The following BTBD7 variants were observed in gnomAD, a reference collection of about 807,000 sequenced individuals.
The protein encoded by BTBD7 is BTB domain containing 7.
A neutral mutation model predicts 99.9 loss-of-function variants in BTBD7; 38 were observed. The ratio of observed to expected loss-of-function variants is 0.38; its 90% CI spans 0.29 to 0.50. The LOEUF (loss-of-function observed/expected upper bound fraction) is 0.50. Ranked by LOEUF, BTBD7 falls within the 20% of genes least tolerant of loss-of-function variation. The pLI is 0.93. For missense variants in BTBD7, 1,170 were observed against 1,394.6 expected (o/e 0.84, Z 2.57); for synonymous variants, 520 against 511.4 (o/e 1.02, Z -0.23).
At chr14:93,266,906 T>C (rs1192506339) in intron 3 of BTBD7, among the ~76,000 whole-genome samples, 1 of 152,142 alleles carries the variant, frequency 6.6e-6, no homozygotes, top group East Asian at 1.9e-4. Context: ...GTGGGAAATA[T>C]GGGAAAGTTT....
At position 93,332,823 on chromosome 14, in the gene BTBD7, G is replaced by T; in HGVS notation, c.-110C>A. The T allele has an allele frequency of 1.4e-6, 2 of 1,476,736 alleles. No individual in the cohort carries two copies. Among genetic ancestry groups the T allele is most frequent in the East Asian group, 3.0e-5 (1 of 33,450 alleles). 91.5% of individuals were successfully genotyped at this position (1,476,736 alleles called of 1,614,324 possible). On this transcript the variant is annotated 5_prime_UTR_variant, in exon 1 of 11. Coordinates refer to ENST00000334746, the MANE Select transcript of BTBD7 (RefSeq NM_001002860.4). ...AGAGACACCAAGGGACACTCACCCC[G>T]GAGGCTCCTCCCGCCGCTGCTGCTG...
chr14:93,251,380 A>G, intron 8 of BTBD7, 83 bp downstream of exon 8: 4 of 1,402,592 alleles, frequency 2.9e-6, no homozygotes, highest in Non-Finnish European at 3.9e-6. Context: ...GAATTAGCAT[A>G]TACAGAGAGG....
At chr14:93,290,836 A>G (rs1402355363) in intron 3 of BTBD7, among the ~76,000 whole-genome samples, 1 of 151,882 alleles carries the variant, frequency 6.6e-6, no homozygotes. Context: ...AGCGTGTACC[A>G]TGATGCCTGG....
intron 1 of BTBD7, among the ~76,000 whole-genome samples, chr14:93,300,702 ATTTGTGTGTGTGTGTGTG>A (rs1168945967): frequency 1.2e-4 from 13 of 107,506 alleles, no homozygotes; most frequent in East Asian, 3.3e-4. Flanking sequence ...TGCCCAGCTA[ATTTGTGTGTGTGTGTGTG>A]TGTGTGTGTG....
chr14:93,306,327 G>A (rs2053069367), intron 1 of BTBD7, among the ~76,000 whole-genome samples: 1 of 151,808 alleles, frequency 6.6e-6, no homozygotes, highest in African/African-American at 2.4e-5. Flanking sequence ...TATTAAAGAG[G>A]CCAGGCACGG....
At position 93,257,311 on chromosome 14, in the gene BTBD7, C is replaced by T; in HGVS notation, c.1492G>A (p.Gly498Ser). 1 of 1,613,990 alleles carries T rather than the reference C, an allele frequency of 6.2e-7. No homozygotes were observed. The highest frequency in any genetic ancestry group is 8.5e-7 in the Non-Finnish European group (1 of 1,179,970). ...SGTAHSVNKRGVKRRDLDMEE... is the reference protein window; with the variant it reads ...SGTAHSVNKRSVKRRDLDMEE... The stretch of plus-strand genomic sequence containing the variant: ...ATGTCCAGGTCCCGTCTTTTTACAC[C>T]TCTTTTGTTCACACTATGGGCAGTG... The change falls in exon 6 of 11, where the codon GGT (glycine) becomes AGT (serine). Residue 498 changes from glycine to serine, a missense_variant. Around this residue, in one of 4 missense-constraint regions of BTBD7, gnomAD observed 309 missense variants for 342.0 expected, o/e 0.90. Transcript: ENST00000334746.
At chr14:93,275,877 C>T (rs999916755) in intron 3 of BTBD7, among the ~76,000 whole-genome samples, 1 of 152,134 alleles carries the variant, frequency 6.6e-6, no homozygotes, top group Non-Finnish European at 1.5e-5. Context: ...TGGTACATGA[C>T]CATTTATCCA....
chr14:93,295,322 C>G (rs191894917), intron 2 of BTBD7, among the ~76,000 whole-genome samples: 1 of 152,036 alleles, frequency 6.6e-6, no homozygotes, highest in Non-Finnish European at 1.5e-5. Flanking sequence ...TAGGGTCTCA[C>G]TAATGTTGCT....
chr14:93,247,511 G>A (rs563302885), intron 9 of BTBD7, among the ~76,000 whole-genome samples: 1 of 152,134 alleles, frequency 6.6e-6, no homozygotes, highest in Non-Finnish European at 1.5e-5. Context: ...ACACCTGGCT[G>A]ATGTTTGCAT....
chr14:93,279,628 A>T (rs904749627), intron 3 of BTBD7, among the ~76,000 whole-genome samples: 1 of 151,942 alleles, frequency 6.6e-6, no homozygotes, highest in Non-Finnish European at 1.5e-5. Flanking sequence ...GCTCACTGCA[A>T]CCTCCGACTC....
Position 93,294,384 on chromosome 14 carries a change from T to G in BTBD7, c.636A>C (p.Ser212=). Residue 212 remains serine (S), a synonymous_variant, in exon 3 of 11, where the codon TCA becomes TCC. Coordinates refer to ENST00000334746, the MANE Select transcript of BTBD7 (RefSeq NM_001002860.4). ...LYTGEFGMED[S]RFQNVDILVQ... is the part of the protein sequence containing the mutation. Reference sequence around the variant, plus strand: ...CAAGGATATCGACATTTTGAAACCTTGAGTCCTCCATTCCAAACTCTCCTG... The same window carrying G: ...CAAGGATATCGACATTTTGAAACCTGGAGTCCTCCATTCCAAACTCTCCTG... 2.5e-6 allele frequency: 4 copies of G among 1,614,204 alleles called. No individual in the cohort carries two copies. The highest frequency in any genetic ancestry group is 1.1e-5 in the South Asian group (1 of 91,084).
At chr14:93,316,184 C>T (rs559039679) in intron 1 of BTBD7, among the ~76,000 whole-genome samples, 1 of 151,516 alleles carries the variant, frequency 6.6e-6, no homozygotes, top group South Asian at 2.1e-4. Flanking sequence ...GAACTCATGA[C>T]TTCAGGTGAT....
chr14:93,267,119 G>A (rs1456562359), intron 3 of BTBD7, among the ~76,000 whole-genome samples: 1 of 152,160 alleles, frequency 6.6e-6, no homozygotes, highest in African/African-American at 2.4e-5. Flanking sequence ...GGAAATGAGA[G>A]AAAAGCTGGT....
chr14:93,247,721 T>C (rs1179898169), intron 9 of BTBD7, among the ~76,000 whole-genome samples: 1 of 152,234 alleles, frequency 6.6e-6, no homozygotes. Flanking sequence ...CCTAACCAGA[T>C]GAAATTAAAT....
At chr14:93,295,841 A>G (rs964922595) in intron 2 of BTBD7, 129 bp downstream of exon 2, 2 of 841,192 alleles carry the variant, frequency 2.4e-6, no homozygotes, top group Non-Finnish European at 3.6e-6. Context: ...TGTTGGGGGA[A>G]AAAACCTAGA....
At chr14:93,248,332 T>C in intron 9 of BTBD7, 144 bp downstream of exon 9, 3 of 793,516 alleles carry the variant, frequency 3.8e-6, no homozygotes, top group East Asian at 2.8e-5. Context: ...AGGAGGGACT[T>C]GCAGGTTATC....
chr14:93,267,033 T>C (rs558716974), intron 3 of BTBD7, among the ~76,000 whole-genome samples: 2 of 152,222 alleles, frequency 1.3e-5, no homozygotes, highest in East Asian at 3.9e-4. Context: ...AAAGTGGGCA[T>C]TGGAATAGAA....
At chr14:93,287,435 T>C (rs568865909) in intron 3 of BTBD7, among the ~76,000 whole-genome samples, 4 of 148,166 alleles carry the variant, frequency 2.7e-5, no homozygotes, top group East Asian at 4.1e-4. Context: ...TTACTATTTT[T>C]ATTAAATCAA....
intron 1 of BTBD7, among the ~76,000 whole-genome samples, chr14:93,326,444 A>G (rs1372042211): frequency 2.6e-5 from 4 of 152,216 alleles, no homozygotes; most frequent in African/African-American, 9.7e-5. Context: ...CTTAGGCGAC[A>G]GAGCAAAAAG....
Sources: gnomAD v4.1 joint callset for allele counts (sites outside exome capture counted in the v4.1 genomes callset) on GRCh38, gnomAD v4.1.1 for gene constraint, gnomAD v4.1.1 regional missense constraint, MANE v1.5 for transcripts, NCBI Gene and HGNC (gene_info 2026-07-23, HGNC 2026-07-21) for gene names.